MATN2: variants seen among roughly 807,000 people sequenced by gnomAD.
MATN2 encodes matrilin 2.
MATN2 carries 69 observed loss-of-function variants against 103.2 expected under a neutral mutation model. The observed-to-expected ratio is 0.67, with a 90% CI of 0.55 to 0.82. The LOEUF is 0.82. Ranked by LOEUF, MATN2 falls within the 40% of genes least tolerant of loss-of-function variation. The pLI is 0.00. For missense variants in MATN2, 1,023 were observed against 1,211.5 expected (o/e 0.84, Z 2.31); for synonymous variants, 429 against 450.2 (o/e 0.95, Z 0.60).
At position 97,985,723 on chromosome 8, in the gene MATN2, C is replaced by A. The variant is rs142143316; in HGVS notation, c.1081+6715C>A. On this transcript the variant is annotated intron_variant, in intron 6 of 18. Transcript: ENST00000254898. ...CTGTGATACTACCGCCCAGAAAAAA[C>A]CACTGTTTTTGTGTTTGTTTTGCTT... 9.2e-3 allele frequency among the ~76,000 whole-genome samples: 1,397 copies of A among 152,246 alleles called. 20 individuals carry two copies. Among genetic ancestry groups the A allele is most frequent in the African/African-American group, 0.03 (1,266 of 41,558 alleles).
intron 13 of MATN2, among the ~76,000 whole-genome samples, chr8:98,026,859 T>C (rs1478752950): frequency 6.6e-6 from 1 of 152,236 alleles, no homozygotes; most frequent in East Asian, 1.9e-4. Flanking sequence ...GCAATCCTGC[T>C]ATGCCCATGG....
At chr8:98,011,871 G>A (rs1457635843) in intron 10 of MATN2, among the ~76,000 whole-genome samples, 4 of 152,164 alleles carry the variant, frequency 2.6e-5, no homozygotes, top group African/African-American at 7.2e-5. Flanking sequence ...CTGTGTCAGC[G>A]TGCAGGGCTG....
At chr8:97,910,664 T>G (rs1185774764) in intron 2 of MATN2, among the ~76,000 whole-genome samples, 1 of 152,232 alleles carries the variant, frequency 6.6e-6, no homozygotes, top group African/African-American at 2.4e-5. Context: ...TATAGTTGTG[T>G]GTACATTGGT....
chr8:98,008,448 C>CTGG (rs1327512562), intron 10 of MATN2, among the ~76,000 whole-genome samples: 2 of 152,202 alleles, frequency 1.3e-5, no homozygotes, highest in Admixed American at 6.5e-5. Context: ...TCCCTGACCA[C>CTGG]TGGTATAATT....
intron 7 of MATN2, among the ~76,000 whole-genome samples, chr8:97,999,941 C>T (rs140266115): frequency 0.093 from 13,994 of 150,584 alleles, 918 homozygotes; most frequent in Admixed American, 0.19. Context: ...AATACAGTGG[C>T]GCGATCTTGG....
intron 4 of MATN2, among the ~76,000 whole-genome samples, chr8:97,959,238 TC>T (rs1393295845): frequency 3.9e-5 from 6 of 152,334 alleles, no homozygotes; most frequent in Non-Finnish European, 8.8e-5. Context: ...AAAATACTCT[TC>T]CTAAAGGTTC....
chr8:98,022,372 CACACACAT>C (rs1204141840), intron 13 of MATN2, among the ~76,000 whole-genome samples: 2 of 152,024 alleles, frequency 1.3e-5, no homozygotes, highest in African/African-American at 4.8e-5. Flanking sequence ...CACACACACA[CACACACAT>C]ACACACACCC....
chr8:97,979,408 A>G (rs1346242087), intron 6 of MATN2, among the ~76,000 whole-genome samples: 1 of 152,228 alleles, frequency 6.6e-6, no homozygotes, highest in African/African-American at 2.4e-5. Flanking sequence ...CGCTGAGCCA[A>G]AAAGAATCAT....
intron 1 of MATN2, among the ~76,000 whole-genome samples, chr8:97,880,083 CT>C (rs5893432): frequency 0.93 from 100,700 of 108,762 alleles, 46,458 homozygotes; most frequent in South Asian, 0.96. Context: ...ATCTTTCTTT[CT>C]TTTTTTTTTT....
intron 1 of MATN2, among the ~76,000 whole-genome samples, chr8:97,881,681 A>G (rs1586371188): frequency 1.3e-5 from 2 of 152,344 alleles, no homozygotes; most frequent in Non-Finnish European, 1.5e-5. Flanking sequence ...GTTCTCAAAT[A>G]TCATTCCATT....
intron 7 of MATN2, among the ~76,000 whole-genome samples, chr8:98,000,596 C>CAAAA (rs67682756): frequency 8.1e-5 from 4 of 49,634 alleles, no homozygotes; most frequent in Admixed American, 1.9e-4. Context: ...GACTCCGTCT[C>CAAAA]AAAAAAAAAA....
chr8:97,924,619 G>A (rs771041738), intron 2 of MATN2, among the ~76,000 whole-genome samples: 2 of 151,854 alleles, frequency 1.3e-5, no homozygotes, highest in South Asian at 2.1e-4. Context: ...TGAACTCTCC[G>A]TAAGCGCTTG....
At chr8:97,929,136 G>T (rs985268769) in intron 2 of MATN2, among the ~76,000 whole-genome samples, 3 of 152,166 alleles carry the variant, frequency 2.0e-5, no homozygotes, top group African/African-American at 4.8e-5. Context: ...ACTGGTATTT[G>T]TGGGTGCCTC....
intron 1 of MATN2, among the ~76,000 whole-genome samples, chr8:97,872,791 A>C (rs564741142): frequency 3.4e-4 from 51 of 147,840 alleles, no homozygotes; most frequent in African/African-American, 1.3e-3. Context: ...ACATCTCCAA[A>C]GTCCCCCCGT....
intron 2 of MATN2, among the ~76,000 whole-genome samples, chr8:97,889,362 T>C (rs1818548997): frequency 6.6e-6 from 1 of 151,648 alleles, no homozygotes; most frequent in Admixed American, 6.6e-5. Flanking sequence ...CTTTTGCAAA[T>C]GTGAAAAGGA....
chr8:98,005,758 C>T lies in MATN2; in HGVS notation c.1328-1347C>T, dbSNP rs1812945699. ...TTCCCATGCATAAACTCCCTGCATC[C>T]TCACAGCCGCCCTACTGGGCACCCA... On this transcript the variant is annotated intron_variant, in intron 8 of 18. Coordinates refer to ENST00000254898, the MANE Select transcript of MATN2 (RefSeq NM_002380.5). The surrounding 1 kb of genome is among the most constrained non-coding windows in gnomAD (Gnocchi z 4.6). 6.6e-6 allele frequency among the ~76,000 whole-genome samples: 1 copy of T among 152,218 alleles called. No individual in the cohort carries two copies. Among genetic ancestry groups the T allele is most frequent in the African/African-American group, 2.4e-5 (1 of 41,450 alleles).
intron 1 of MATN2, among the ~76,000 whole-genome samples, chr8:97,872,670 A>G (rs1472888896): frequency 6.6e-6 from 1 of 152,132 alleles, no homozygotes; most frequent in East Asian, 1.9e-4. Flanking sequence ...CAAAGCCAGT[A>G]ACAGCATCTT....
At chr8:98,024,376 G>A (rs994637160) in intron 13 of MATN2, among the ~76,000 whole-genome samples, 4 of 152,094 alleles carry the variant, frequency 2.6e-5, no homozygotes, top group African/African-American at 9.7e-5. Flanking sequence ...ATGGTAGCGT[G>A]TGCCTGTGGC....
chr8:98,008,495 CT>C (rs1813048866), intron 10 of MATN2, among the ~76,000 whole-genome samples: 1 of 152,224 alleles, frequency 6.6e-6, no homozygotes, highest in Non-Finnish European at 1.5e-5. Flanking sequence ...TTTATATCAT[CT>C]ATTCATCTAG....
Sources: allele counts gnomAD v4.1 joint callset (sites outside exome capture counted in the v4.1 genomes callset), GRCh38; gene constraint gnomAD v4.1.1; non-coding constraint Gnocchi (gnomAD v3.1); transcripts MANE v1.5; gene names NCBI Gene and HGNC (gene_info 2026-07-23, HGNC 2026-07-21).